The following GRIN2A variants were observed in gnomAD, a reference collection of about 807,000 sequenced individuals.
GRIN2A encodes glutamate ionotropic receptor NMDA type subunit 2A.
Under a neutral mutation model 113.4 loss-of-function variants are expected in GRIN2A, and 22 were observed. The ratio of observed to expected loss-of-function variants is 0.19; its 90% confidence interval spans 0.14 to 0.28. GRIN2A has a LOEUF of 0.28. GRIN2A is among the 10% of genes least tolerant of loss of function. The probability of loss-of-function intolerance (pLI) is 1.00; values close to 1 mark genes in which losing one functional copy is unlikely to be tolerated. For missense variants in GRIN2A, 1,502 were observed against 1,887.0 expected (o/e 0.80, Z 3.78); for synonymous variants, 827 against 738.4 (o/e 1.12, Z -1.94).
chr16:10,180,446 G>A lies in GRIN2A; in HGVS notation c.-18-17C>T, dbSNP rs1482849410. On this transcript the variant is annotated splice_polypyrimidine_tract_variant and intron_variant, in intron 1 of 12. Coordinates refer to ENST00000330684, the MANE Select transcript of GRIN2A (RefSeq NM_001134407.3). The surrounding 1 kb of genome is among the most constrained non-coding windows in gnomAD (Gnocchi z 7.0). The stretch of plus-strand genomic sequence containing the variant: ...TGACGGTCCCTGCAAGGTGAAGAGT[G>A]AGAGGCAGGGCCGCGGTGAGCAAGG... 1 of 1,594,510 alleles carries A rather than the reference G, an allele frequency of 6.3e-7. No individual in the cohort carries two copies. Among genetic ancestry groups the A allele is most frequent in the South Asian group, 1.1e-5 (1 of 90,188 alleles).
intron 3 of GRIN2A, among the ~76,000 whole-genome samples, chr16:9,905,719 CTTAT>C (rs1163201303): frequency 6.6e-6 from 1 of 152,122 alleles, no homozygotes; most frequent in East Asian, 1.9e-4. Context: ...TATCAGAACA[CTTAT>C]TTGTTTCCCT....
intron 2 of GRIN2A, among the ~76,000 whole-genome samples, chr16:9,976,904 T>C (rs1440835593): frequency 1.3e-5 from 2 of 152,200 alleles, no homozygotes; most frequent in African/African-American, 4.8e-5. Context: ...GGCTGCCACA[T>C]GAGTGGAATA....
At chr16:10,164,019 T>G (rs2049857137) in intron 2 of GRIN2A, among the ~76,000 whole-genome samples, 1 of 152,220 alleles carries the variant, frequency 6.6e-6, no homozygotes, top group Admixed American at 6.5e-5. Context: ...ATCCTTACCT[T>G]AAGTAAATAG....
chr16:10,079,967 C>T (rs1282718336), intron 2 of GRIN2A, among the ~76,000 whole-genome samples: 1 of 152,202 alleles, frequency 6.6e-6, no homozygotes, highest in East Asian at 1.9e-4. Flanking sequence ...GAGCAAGTTA[C>T]CCTCTGTGCA....
rs146697716 is a variant in GRIN2A at position 10,148,759 on chromosome 16, G to C, written c.414+31239C>G. ...AGAAAGGAAATCAGTATATCAAAGA[G>C]ATATCTGCACTCCTATGTTTATTGC... On this transcript the variant is annotated intron_variant, in intron 2 of 12. Transcript: ENST00000330684. 5.1e-3 allele frequency among the ~76,000 whole-genome samples: 782 copies of C among 152,248 alleles called. 6 individuals carry two copies. The highest frequency in any genetic ancestry group is 0.018 in the African/African-American group (747 of 41,530).
At chr16:9,833,079 G>C (rs2042525311) in intron 8 of GRIN2A, among the ~76,000 whole-genome samples, 3 of 152,128 alleles carry the variant, frequency 2.0e-5, no homozygotes, top group Non-Finnish European at 2.9e-5. Context: ...AAAGAGATTT[G>C]GTCCTGACAC....
At chr16:9,989,676 C>A (rs1281228734) in intron 2 of GRIN2A, among the ~76,000 whole-genome samples, 1 of 151,846 alleles carries the variant, frequency 6.6e-6, no homozygotes, top group Non-Finnish European at 1.5e-5. Context: ...CTATAAGGAA[C>A]TTAAATCAAG....
rs765104792 is a variant in GRIN2A, at chr16:9,938,023, C to T, written c.943G>A (p.Glu315Lys). ...SMLEKFSYIP[E>K]AKASCYGQME... Reference sequence around the variant, plus strand: ...TGCCCGTAGCAGCTGGCCTTGGCCTCGGGGATGTAGGAGAACTTCTCCAGC... The same window carrying T: ...TGCCCGTAGCAGCTGGCCTTGGCCTTGGGGATGTAGGAGAACTTCTCCAGC... Residue 315 changes from glutamate to lysine, a missense_variant, in exon 3 of 13, where the codon GAG becomes AAG. By Grantham distance (56) the Glu-to-Lys change is moderately conservative. Coordinates refer to ENST00000330684, the MANE Select transcript of GRIN2A (RefSeq NM_001134407.3). The T allele has an allele frequency of 5.0e-6, 8 of 1,613,916 alleles. No homozygotes were observed. The highest frequency in any genetic ancestry group is 1.3e-5 in the African/African-American group (1 of 74,914).
intron 2 of GRIN2A, among the ~76,000 whole-genome samples, chr16:10,066,582 T>C (rs74471380): frequency 0.016 from 2,468 of 152,252 alleles, 35 homozygotes; most frequent in South Asian, 0.065. Flanking sequence ...CTTATTCTGA[T>C]TATAAAAATG....
intron 2 of GRIN2A, among the ~76,000 whole-genome samples, chr16:10,177,885 C>T (rs926677976): frequency 1.3e-5 from 2 of 152,176 alleles, no homozygotes; most frequent in African/African-American, 4.8e-5. Flanking sequence ...TCTCTGCCTA[C>T]GTTCGGATGA....
intron 4 of GRIN2A, among the ~76,000 whole-genome samples, chr16:9,880,154 G>C (rs2043448062): frequency 6.6e-6 from 1 of 152,122 alleles, no homozygotes; most frequent in African/African-American, 2.4e-5. Context: ...ATATCTGGAG[G>C]ATCTTGGAAG....
At chr16:10,034,523 G>A (rs1438319837) in intron 2 of GRIN2A, among the ~76,000 whole-genome samples, 2 of 80,084 alleles carry the variant, frequency 2.5e-5, no homozygotes, top group South Asian at 4.8e-4. Context: ...GAGACCCCAC[G>A]TCAAAAAAAA....
intron 4 of GRIN2A, among the ~76,000 whole-genome samples, chr16:9,857,017 C>T (rs1052761883): frequency 6.6e-6 from 1 of 152,188 alleles, no homozygotes; most frequent in Non-Finnish European, 1.5e-5. Flanking sequence ...ATGATAATGG[C>T]GTGGTGTTCT....
chr16:10,140,700 T>C (rs564940619), intron 2 of GRIN2A, among the ~76,000 whole-genome samples: 2 of 152,056 alleles, frequency 1.3e-5, no homozygotes, highest in South Asian at 4.2e-4. Flanking sequence ...TCCTGAACAA[T>C]GTGATTGGTT....
intron 3 of GRIN2A, among the ~76,000 whole-genome samples, chr16:9,921,468 C>T (rs2044357890): frequency 1.3e-5 from 2 of 152,168 alleles, no homozygotes; most frequent in Non-Finnish European, 2.9e-5. Context: ...GATCCTACCA[C>T]TAACTGAGCC....
At chr16:10,106,560 G>T (rs891399959) in intron 2 of GRIN2A, among the ~76,000 whole-genome samples, 1 of 152,088 alleles carries the variant, frequency 6.6e-6, no homozygotes, top group Non-Finnish European at 1.5e-5. Flanking sequence ...TTGAAGATAG[G>T]GAGCGTGACT....
Position 9,755,942 on chromosome 16 carries a change from C to T in GRIN2A, c.*7207G>A, listed in dbSNP as rs886052525. ...AATCATTCTGACTACCAAAGCTCTC[C>T]ATCATTCATGCAGAAACTCTATTTC... On this transcript the variant is annotated 3_prime_UTR_variant, in exon 13 of 13. Coordinates refer to ENST00000330684, the MANE Select transcript of GRIN2A (RefSeq NM_001134407.3). 17 of 216,628 alleles carry T rather than the reference C, an allele frequency of 7.8e-5. No homozygotes were observed. The highest frequency in any genetic ancestry group is 1.2e-4 in the Admixed American group (2 of 17,158). 13.4% of individuals were successfully genotyped at this position (216,628 alleles called of 1,614,324 possible).
At chr16:9,788,803 C>T (rs1005486970) in intron 11 of GRIN2A, among the ~76,000 whole-genome samples, 1 of 145,080 alleles carries the variant, frequency 6.9e-6, no homozygotes, top group South Asian at 2.2e-4. Flanking sequence ...AGTGCAGTGG[C>T]GCGAACTCGA....
chr16:9,947,619 A>C (rs1349596653), intron 2 of GRIN2A, among the ~76,000 whole-genome samples: 1 of 152,204 alleles, frequency 6.6e-6, no homozygotes, highest in African/African-American at 2.4e-5. Flanking sequence ...CTGAATGCTC[A>C]AGTTCCAGAA....
Sources: allele counts gnomAD v4.1 joint callset (sites outside exome capture counted in the v4.1 genomes callset), GRCh38; gene constraint gnomAD v4.1.1; non-coding constraint Gnocchi (gnomAD v3.1); transcripts MANE v1.5; gene names NCBI Gene and HGNC (gene_info 2026-07-23, HGNC 2026-07-21).